Variants in PSMG2 observed in about 807,000 individuals in gnomAD.
PSMG2 encodes proteasome assembly chaperone 2.
PSMG2 carries 21 observed loss-of-function variants against 31.5 expected under a neutral mutation model. That is an observed-to-expected ratio of 0.67 (90% CI 0.47 to 0.96). The LOEUF (loss-of-function observed/expected upper bound fraction) is 0.96, where lower values mean the gene tolerates loss of function less well. Among genes scored for constraint, PSMG2 ranks in the 40% least tolerant of loss-of-function variants. The pLI is 0.00. For synonymous variants in PSMG2, 120 were observed against 110.4 expected (o/e 1.09, Z -0.54); for missense variants, 318 against 321.2 (o/e 0.99, Z 0.08).
At chr18:12,677,227 T>C (rs1282165443) in intron 1 of PSMG2, among the ~76,000 whole-genome samples, 3 of 151,908 alleles carry the variant, frequency 2.0e-5, no homozygotes, top group Non-Finnish European at 2.9e-5. Flanking sequence ...CTGAGGCAGG[T>C]AGATCACTTC....
chr18:12,664,562 A>T (rs573521779), intron 1 of PSMG2, among the ~76,000 whole-genome samples: 48 of 151,996 alleles, frequency 3.2e-4, no homozygotes, highest in African/African-American at 1.1e-3. Flanking sequence ...AAAAAACAAA[A>T]TTTGTAGAGA....
At position 12,684,890 on chromosome 18, in the gene PSMG2, A is replaced by G. The variant is rs2039483694; in HGVS notation, c.-36-21660A>G. The G allele has an allele frequency of 3.9e-5, 6 of 152,234 alleles. No individual in the cohort carries two copies. In the South Asian group the frequency reaches 1.0e-3, roughly 26 times the overall value. The allele number at this position is 152,234 out of a possible 1,614,324, so 9.4% of individuals were successfully genotyped here. ...TAGTTTACTAAAATCAAGTCATTCA[A>G]AAAGTGTAATTAAATATACATTTGT... On this transcript the variant is annotated intron_variant, in intron 1 of 6. Transcript: ENST00000585331.
chr18:12,661,697 C>T (rs985315754), intron 1 of PSMG2: 1 of 152,470 alleles, frequency 6.6e-6, no homozygotes, highest in Non-Finnish European at 1.5e-5. Flanking sequence ...ATCGCTTGAA[C>T]CCAGGAAGTG....
chr18:12,720,377 A>G (rs2040419695), intron 4 of PSMG2, 133 bp from the exon 5 acceptor site: 2 of 690,680 alleles, frequency 2.9e-6, no homozygotes, highest in South Asian at 3.2e-5. Context: ...TCAGAGCAAT[A>G]TTTTTTACTT....
upstream of PSMG2, among the ~76,000 whole-genome samples, chr18:12,698,589 C>T (rs1029677936): frequency 2.6e-5 from 4 of 152,168 alleles, no homozygotes; most frequent in African/African-American, 4.8e-5. Context: ...TGTGAGTCAC[C>T]GTGCTCAGCC....
chr18:12,704,140 GA>G (rs2040235156), intron 1 of PSMG2, among the ~76,000 whole-genome samples: 2 of 152,330 alleles, frequency 1.3e-5, no homozygotes, highest in South Asian at 4.1e-4. Flanking sequence ...GTAAGGTGAA[GA>G]AAGTGTATGT....
intron 1 of PSMG2, chr18:12,691,455 T>C (rs748803607): frequency 1.2e-6 from 2 of 1,605,060 alleles, no homozygotes; most frequent in South Asian, 2.3e-5. Context: ...ATAATCGCTC[T>C]TTCTCTGCAG....
At chr18:12,663,523 T>G (rs935244098) in intron 1 of PSMG2, 1 of 152,046 alleles carries the variant, frequency 6.6e-6, no homozygotes, top group Non-Finnish European at 1.5e-5. Context: ...TCCACCCACC[T>G]CTTCCTCCCA....
chr18:12,717,639 C>T (rs1360170697), intron 3 of PSMG2, among the ~76,000 whole-genome samples: 2 of 152,234 alleles, frequency 1.3e-5, no homozygotes, highest in African/African-American at 4.8e-5. Flanking sequence ...ATTTCCACAG[C>T]TGTTCCGAAA....
At chr18:12,693,475 CCAAA>C (rs879516191) in intron 1 of PSMG2, among the ~76,000 whole-genome samples, 8 of 151,674 alleles carry the variant, frequency 5.3e-5, no homozygotes, top group South Asian at 2.1e-4. Context: ...AAAGTAGAGC[CCAAA>C]CATTTACTTT....
chr18:12,664,302 G>T (rs2038759518), intron 1 of PSMG2, among the ~76,000 whole-genome samples: 1 of 151,938 alleles, frequency 6.6e-6, no homozygotes, highest in South Asian at 2.1e-4. Flanking sequence ...CCAGCACTTT[G>T]AGAGGCCGAG....
chr18:12,723,207 C>T (rs1161042239), intron 5 of PSMG2, among the ~76,000 whole-genome samples: 1 of 152,106 alleles, frequency 6.6e-6, no homozygotes, highest in African/African-American at 2.4e-5. Flanking sequence ...CTCTGTCAGT[C>T]TCGTGCTTTC....
At chr18:12,681,979 G>C (rs1437000538) in intron 1 of PSMG2, among the ~76,000 whole-genome samples, 1 of 150,632 alleles carries the variant, frequency 6.6e-6, no homozygotes, top group African/African-American at 2.4e-5. Context: ...CTGGACAACA[G>C]AGTGAGACTC....
At chr18:12,701,072 A>C, upstream of PSMG2, 1 of 1,613,590 alleles carries the variant, frequency 6.2e-7, no homozygotes, top group African/African-American at 1.3e-5. Flanking sequence ...CTTCCCGTAT[A>C]GTCTCAGCAA....
chr18:12,725,403 GT>G (rs1400828602), intron 6 of PSMG2, 35 bp from the exon 7 acceptor site: 6 of 1,472,996 alleles, frequency 4.1e-6, no homozygotes, highest in Non-Finnish European at 5.6e-6. Context: ...TGATGGTAAA[GT>G]TTAAAGATTA....
At chr18:12,682,282 C>T (rs1281797317) in intron 1 of PSMG2, among the ~76,000 whole-genome samples, 1 of 151,768 alleles carries the variant, frequency 6.6e-6, no homozygotes. Context: ...CTTGATGTCC[C>T]CAGCTCAAGT....
At chr18:12,697,492 A>G in intron 1 of PSMG2, 4 of 932,066 alleles carry the variant, frequency 4.3e-6, no homozygotes, top group Non-Finnish European at 4.7e-6. Flanking sequence ...TAAACAGTAA[A>G]TAATAAGCTT....
chr18:12,699,599 A>C (rs1445652953), upstream of PSMG2, among the ~76,000 whole-genome samples: 2 of 152,166 alleles, frequency 1.3e-5, no homozygotes, highest in Admixed American at 6.5e-5. Context: ...TTTTTATAAA[A>C]CATATTATTA....
intron 1 of PSMG2, among the ~76,000 whole-genome samples, chr18:12,673,851 A>G (rs1427764658): frequency 2.0e-5 from 3 of 152,226 alleles, no homozygotes; most frequent in African/African-American, 7.2e-5. Flanking sequence ...ACTGCACTAC[A>G]GCCTGGGCGA....
Sources: allele counts gnomAD v4.1 joint callset (sites outside exome capture counted in the v4.1 genomes callset), GRCh38; gene constraint gnomAD v4.1.1; transcripts MANE v1.5; gene names NCBI Gene and HGNC (gene_info 2026-07-23, HGNC 2026-07-21).